The following EPM2A variants were observed in gnomAD, a reference collection of about 807,000 sequenced individuals.
EPM2A encodes EPM2A glucan phosphatase, laforin.
In EPM2A, 21 loss-of-function variants were observed where a neutral mutation model predicts 26.5. That is an observed-to-expected ratio of 0.79 (90% CI 0.56 to 1.14). The LOEUF (loss-of-function observed/expected upper bound fraction) is 1.14. Among genes scored for constraint, EPM2A ranks in the 50% most tolerant of loss-of-function variants. EPM2A has a pLI of 0.00. For missense variants in EPM2A, 458 were observed against 440.8 expected, an observed-to-expected ratio of 1.04 and a Z score of -0.35; for synonymous variants, 217 against 177.6, an observed-to-expected ratio of 1.22 and a Z score of -1.76.
intron 2 of EPM2A, among the ~76,000 whole-genome samples, chr6:145,506,325 C>A (rs144788631): frequency 6.6e-6 from 1 of 152,096 alleles, no homozygotes; most frequent in African/African-American, 2.4e-5. Context: ...TATTCAACAA[C>A]CTTATCTTTT....
intron 2 of EPM2A, among the ~76,000 whole-genome samples, chr6:145,660,826 T>A (rs779565962): frequency 7.0e-4 from 106 of 152,248 alleles, no homozygotes; most frequent in African/African-American, 1.6e-3. Context: ...ATAAATTTTT[T>A]AAAAAATTGC....
intron 2 of EPM2A, among the ~76,000 whole-genome samples, chr6:145,553,388 C>T (rs997347025): frequency 2.0e-5 from 3 of 152,086 alleles, no homozygotes; most frequent in African/African-American, 7.2e-5. Context: ...CCTTTATTCC[C>T]ATGCTCCTCC....
At chr6:145,610,708 T>C (rs2128551989) in intron 2 of EPM2A, among the ~76,000 whole-genome samples, 1 of 152,356 alleles carries the variant, frequency 6.6e-6, no homozygotes, top group East Asian at 1.9e-4. Context: ...GAAATCCTTT[T>C]GGGAACACTG....
intron 2 of EPM2A, among the ~76,000 whole-genome samples, chr6:145,525,610 G>A (rs577983468): frequency 7.9e-5 from 12 of 152,152 alleles, no homozygotes; most frequent in South Asian, 6.2e-4. Flanking sequence ...CACTATTGGC[G>A]TATAGAAATG....
rs529709410 is a variant in EPM2A, at chr6:145,556,176, G to A, written c.341-53601C>T. On this transcript the variant is annotated intron_variant, in intron 2 of 3. Coordinates refer to the EPM2A transcript ENST00000450221. ...TTAAGAAATAATACTTTTGTGAATA[G>A]AACACATGATAAAAGCATGCCAAGA... Among the ~76,000 whole-genome samples, 246 of 152,232 alleles carry A rather than the reference G, an allele frequency of 1.6e-3. 2 individuals carry two copies. Among genetic ancestry groups the A allele is most frequent in the African/African-American group, 5.7e-3 (235 of 41,568 alleles).
chr6:145,424,123 C>T (rs893712050), intron 4 of EPM2A, among the ~76,000 whole-genome samples: 3 of 152,186 alleles, frequency 2.0e-5, no homozygotes, highest in African/African-American at 7.2e-5. Flanking sequence ...AGGACCAGCT[C>T]GACCAGTCCG....
intron 4 of EPM2A, among the ~76,000 whole-genome samples, chr6:145,393,732 A>G (rs1212710602): frequency 6.6e-6 from 1 of 152,106 alleles, no homozygotes; most frequent in Non-Finnish European, 1.5e-5. Context: ...ACTGTTCCTT[A>G]GAATCTAGGT....
At chr6:145,482,510 C>T (rs1423636182) in intron 4 of EPM2A, among the ~76,000 whole-genome samples, 3 of 151,954 alleles carry the variant, frequency 2.0e-5, no homozygotes, top group African/African-American at 7.2e-5. Flanking sequence ...AATAAAGAGC[C>T]TCTATTTATT....
rs575773139 is a variant in EPM2A, at chr6:145,394,288, A to T, written c.556-10191T>A. On this transcript the variant is annotated intron_variant, in intron 4 of 4. Transcript: ENST00000638717. ...AGAGGTCTATCCTTTGGACATCTTG[A>T]CCACTGACCTTACTCATGTCTTTCC... Among the ~76,000 whole-genome samples, 40 of 152,168 alleles carry T rather than the reference A, an allele frequency of 2.6e-4. No homozygotes were observed. In the South Asian group the frequency reaches 7.3e-3, roughly 28 times the overall value.
At chr6:145,489,817 GC>G in intron 4 of EPM2A, 1 of 1,436,132 alleles carries the variant, frequency 7.0e-7, no homozygotes, top group Non-Finnish European at 9.8e-7. Flanking sequence ...GTCCAAGTCT[GC>G]TTCTAGAAGT....
intron 1 of EPM2A, among the ~76,000 whole-genome samples, chr6:145,709,714 T>G (rs1338430790): frequency 6.6e-6 from 1 of 152,124 alleles, no homozygotes; most frequent in African/African-American, 2.4e-5. Context: ...TTCTAGTAGC[T>G]TGTAGAGGAA....
intron 2 of EPM2A, among the ~76,000 whole-genome samples, chr6:145,660,007 TG>T (rs1341818225): frequency 3.3e-5 from 5 of 151,358 alleles, no homozygotes; most frequent in Non-Finnish European, 5.9e-5. Context: ...AGGTGGGAGG[TG>T]GGGAGCTGAT....
chr6:145,465,207 C>T (rs1221410323), intron 4 of EPM2A, among the ~76,000 whole-genome samples: 1 of 152,058 alleles, frequency 6.6e-6, no homozygotes, highest in African/African-American at 2.4e-5. Flanking sequence ...CTTCCCTTCT[C>T]GCTTCATTTC....
At chr6:145,659,249 A>C (rs962001588) in intron 2 of EPM2A, among the ~76,000 whole-genome samples, 6 of 152,182 alleles carry the variant, frequency 3.9e-5, no homozygotes, top group African/African-American at 7.2e-5. Context: ...ATTCACGTAA[A>C]CTACTGCATG....
downstream of EPM2A, among the ~76,000 whole-genome samples, chr6:145,500,365 T>C (rs1034836748): frequency 6.6e-6 from 1 of 152,174 alleles, no homozygotes; most frequent in African/African-American, 2.4e-5. Context: ...GTGAGAAAAC[T>C]GCAAAAAGGA....
intron 3 of EPM2A, among the ~76,000 whole-genome samples, chr6:145,633,133 G>T (rs1305512332): frequency 6.6e-6 from 1 of 152,202 alleles, no homozygotes; most frequent in African/African-American, 2.4e-5. Context: ...CTATCTGTCA[G>T]CAGAGCCTTC....
intron 4 of EPM2A, among the ~76,000 whole-genome samples, chr6:145,445,336 C>T (rs1231992707): frequency 6.6e-6 from 1 of 152,150 alleles, no homozygotes; most frequent in Non-Finnish European, 1.5e-5. Flanking sequence ...AGCATTAGCA[C>T]TGGTCCAGTT....
At chr6:145,598,430 T>C (rs1255061733) in intron 2 of EPM2A, among the ~76,000 whole-genome samples, 1 of 152,176 alleles carries the variant, frequency 6.6e-6, no homozygotes, top group Non-Finnish European at 1.5e-5. Flanking sequence ...AGGTTGTTTT[T>C]CTCTTGTAAA....
intron 4 of EPM2A, among the ~76,000 whole-genome samples, chr6:145,480,657 A>T (rs530154098): frequency 9.9e-5 from 15 of 152,254 alleles, no homozygotes; most frequent in African/African-American, 3.4e-4. Context: ...TCTTGAGGCT[A>T]CTTAGAGACA....
Sources: allele counts gnomAD v4.1 joint callset (sites outside exome capture counted in the v4.1 genomes callset), GRCh38; gene constraint gnomAD v4.1.1; transcripts MANE v1.5; gene names NCBI Gene and HGNC (gene_info 2026-07-23, HGNC 2026-07-21).